The following ZNF273 variants were observed in gnomAD, a reference collection of about 807,000 sequenced individuals.
ZNF273 encodes the protein zinc finger protein 9.
Under a neutral mutation model 14.9 loss-of-function variants are expected in ZNF273, and 11 were observed. The observed-to-expected ratio is 0.74, with a 90% confidence interval of 0.46 to 1.22. The LOEUF (loss-of-function observed/expected upper bound fraction) is 1.22, where lower values mean the gene tolerates loss of function less well. ZNF273 is among the 50% of genes most tolerant of loss of function. The probability of loss-of-function intolerance (pLI) is 0.00; values close to 1 mark genes in which losing one functional copy is unlikely to be tolerated. For synonymous variants in ZNF273, 199 were observed against 223.9 expected (o/e 0.89, Z 0.99); for missense variants, 577 against 660.6 (o/e 0.87, Z 1.39).
chr7:64,915,557 G>A (rs1463944476), intron 1 of ZNF273, among the ~76,000 whole-genome samples: 2 of 152,210 alleles, frequency 1.3e-5, no homozygotes, highest in Non-Finnish European at 2.9e-5. Flanking sequence ...GGCACAGATC[G>A]CCCATGCTAT....
intron 1 of ZNF273, among the ~76,000 whole-genome samples, chr7:64,916,394 C>T (rs1411414174): frequency 7.6e-6 from 1 of 131,658 alleles, no homozygotes; most frequent in Non-Finnish European, 1.7e-5. Context: ...AAAAAATTAG[C>T]TGGGCATGGC....
At chr7:64,893,207 G>GT (rs1243487716), downstream of ZNF273, among the ~76,000 whole-genome samples, 1 of 151,972 alleles carries the variant, frequency 6.6e-6, no homozygotes, top group African/African-American at 2.4e-5. Context: ...TCTACTTTCT[G>GT]TATCATTAAG....
At chr7:64,927,132 A>C (rs903497098) in intron 3 of ZNF273, among the ~76,000 whole-genome samples, 2 of 152,058 alleles carry the variant, frequency 1.3e-5, no homozygotes, top group African/African-American at 4.8e-5. Flanking sequence ...CACTCTCATC[A>C]CCCAGGCTGA....
chr7:64,910,616 G>A (rs959474947), intron 1 of ZNF273, among the ~76,000 whole-genome samples: 1 of 151,488 alleles, frequency 6.6e-6, no homozygotes, highest in Non-Finnish European at 1.5e-5. Flanking sequence ...GTCTGGTAAT[G>A]TAATGACTCC....
At chr7:64,892,714 G>C (rs1477477920), downstream of ZNF273, among the ~76,000 whole-genome samples, 1 of 152,242 alleles carries the variant, frequency 6.6e-6, no homozygotes, top group Non-Finnish European at 1.5e-5. Flanking sequence ...GATGCCTGAT[G>C]AGGGGGGCGG....
rs951965504 is a variant in ZNF273 at position 64,930,488 on chromosome 7, GATT to G, written c.*1453_*1455del. ...AATGCAGTACATTTCAAAATTTTTA[GATT>G]ATGTATGAACTTAGATTTTTAAACA... On this transcript the variant is annotated 3_prime_UTR_variant, in exon 4 of 4. Coordinates refer to ENST00000476120, the MANE Select transcript of ZNF273 (RefSeq NM_021148.3). 2 of 152,084 alleles carry G rather than the reference GATT, an allele frequency of 1.3e-5. No individual in the cohort carries two copies. The highest frequency in any genetic ancestry group is 4.8e-5 in the African/African-American group (2 of 41,416). The allele number at this position is 152,084 out of a possible 1,614,324, so 9.4% of individuals were successfully genotyped here.
Position 64,929,854 on chromosome 7 carries a change from G to A in ZNF273, c.*816G>A, listed in dbSNP as rs1478604419. On this transcript the variant is annotated 3_prime_UTR_variant, in exon 4 of 4. Transcript: ENST00000476120. ...TTTTTTTTTTTTGGTTTTGGTTTTG[G>A]GTTTTTTGTTTGTTTGTTTGTTTGT... The A allele has an allele frequency of 6.7e-6, 1 of 149,318 alleles. No individual in the cohort carries two copies. The allele number at this position is 149,318 out of a possible 1,614,324, so 9.2% of individuals were successfully genotyped here. A position where few individuals can be genotyped will look rare whatever the true frequency, so the allele number is the denominator to read the frequency against.
downstream of ZNF273, chr7:64,933,390 A>G (rs1226381152): frequency 6.6e-6 from 1 of 152,210 alleles, no homozygotes; most frequent in Admixed American, 6.5e-5. Context: ...TTTGGAGATC[A>G]GGGCAACTTT....
At chr7:64,912,501 C>A (rs555714029) in intron 1 of ZNF273, among the ~76,000 whole-genome samples, 1 of 152,204 alleles carries the variant, frequency 6.6e-6, no homozygotes, top group South Asian at 2.1e-4. Flanking sequence ...CTGTTCCCCC[C>A]ACCCCATAAA....
the ZNF273 span, among the ~76,000 whole-genome samples, chr7:64,936,416 T>C: frequency 2.0e-5 from 3 of 152,192 alleles, no homozygotes; most frequent in Non-Finnish European, 2.9e-5. Context: ...CTTACAGAGA[T>C]ACCAATTTCC....
chr7:64,885,490 T>A (rs1382385017), intron 1 of ZNF273, among the ~76,000 whole-genome samples: 4 of 152,240 alleles, frequency 2.6e-5, no homozygotes, highest in African/African-American at 9.6e-5. Context: ...CTCACGTTGG[T>A]GATATGAGGT....
intron 1 of ZNF273, among the ~76,000 whole-genome samples, chr7:64,909,599 C>G (rs1172959009): frequency 6.6e-6 from 1 of 151,196 alleles, no homozygotes; most frequent in East Asian, 1.9e-4. Flanking sequence ...CTCACAAGTA[C>G]TATTGTGTAT....
chr7:64,934,304 A>G (rs543750190), downstream of ZNF273, among the ~76,000 whole-genome samples: 1 of 152,044 alleles, frequency 6.6e-6, no homozygotes. Flanking sequence ...GATTTTTTTC[A>G]ACAGCTTTTT....
At chr7:64,920,069 T>A (rs941184371) in intron 3 of ZNF273, among the ~76,000 whole-genome samples, 2 of 151,078 alleles carry the variant, frequency 1.3e-5, no homozygotes, top group African/African-American at 4.9e-5. Context: ...CAGGTAAAGA[T>A]CTTTTTATGT....
intron 1 of ZNF273, among the ~76,000 whole-genome samples, chr7:64,906,571 C>T (rs759196281): frequency 1.3e-5 from 2 of 152,102 alleles, no homozygotes; most frequent in Non-Finnish European, 2.9e-5. Flanking sequence ...TAAGCTAAGG[C>T]TAATATGGAG....
downstream of ZNF273, among the ~76,000 whole-genome samples, chr7:64,881,164 G>A (rs1791242636): frequency 6.6e-6 from 1 of 152,238 alleles, no homozygotes; most frequent in Admixed American, 6.5e-5. Context: ...AACAGTTGGA[G>A]TGCAAACCCA....
downstream of ZNF273, among the ~76,000 whole-genome samples, chr7:64,891,036 C>T (rs1369659483): frequency 6.6e-6 from 1 of 152,242 alleles, no homozygotes; most frequent in African/African-American, 2.4e-5. Context: ...CTCCCCATTG[C>T]TCAAAATAGA....
chr7:64,906,502 C>A (rs1482472507), intron 1 of ZNF273, among the ~76,000 whole-genome samples: 6 of 147,996 alleles, frequency 4.1e-5, no homozygotes, highest in Non-Finnish European at 9.0e-5. Flanking sequence ...TAAACACTTA[C>A]TTTCAAAAAC....
intron 2 of ZNF273, 70 bp from the exon 3 acceptor site, chr7:64,918,127 C>A: frequency 7.1e-7 from 1 of 1,403,140 alleles, no homozygotes; most frequent in East Asian, 3.1e-5. Context: ...ATCCTCTTTA[C>A]TGAGCACATT....
Sources: allele counts gnomAD v4.1 joint callset (sites outside exome capture counted in the v4.1 genomes callset), GRCh38; gene constraint gnomAD v4.1.1; transcripts MANE v1.5; gene names NCBI Gene and HGNC (gene_info 2026-07-23, HGNC 2026-07-21).